HHAT: variants seen among roughly 807,000 people sequenced by gnomAD.
HHAT encodes protein-cysteine N-palmitoyltransferase HHAT.
A neutral mutation model predicts 70.8 loss-of-function variants in HHAT; 47 were observed. That is an observed-to-expected ratio of 0.66 (90% CI 0.53 to 0.85). HHAT has a LOEUF of 0.85. Among genes scored for constraint, HHAT ranks in the 40% least tolerant of loss-of-function variants. The pLI, the probability that HHAT is intolerant of heterozygous loss-of-function variation, is 0.00. For missense variants in HHAT, 609 were observed against 604.8 expected, an observed-to-expected ratio of 1.01 and a Z score of -0.07; for synonymous variants, 228 against 247.6, an observed-to-expected ratio of 0.92 and a Z score of 0.74.
intron 7 of HHAT, among the ~76,000 whole-genome samples, chr1:210,447,569 C>T (rs2093661013): frequency 6.6e-6 from 1 of 152,122 alleles, no homozygotes; most frequent in Admixed American, 6.5e-5. Context: ...CCTGACAATT[C>T]CCAGTCAAGC....
intron 7 of HHAT, among the ~76,000 whole-genome samples, chr1:210,458,703 G>A (rs973398287): frequency 6.6e-6 from 1 of 152,132 alleles, no homozygotes; most frequent in Admixed American, 6.6e-5. Context: ...GTCAGGGCAG[G>A]AAAAATAGAT....
intron 3 of HHAT, among the ~76,000 whole-genome samples, chr1:210,379,725 C>T (rs536186559): frequency 6.6e-6 from 1 of 152,268 alleles, no homozygotes; most frequent in South Asian, 2.1e-4. Flanking sequence ...GTTGTTTGTT[C>T]GTTTATTTAC....
At chr1:210,517,178 A>G (rs58968791) in intron 9 of HHAT, among the ~76,000 whole-genome samples, 9,697 of 152,306 alleles carry the variant, frequency 0.064, 386 homozygotes, top group South Asian at 0.13. Context: ...TCTCTGTTTC[A>G]TTATAGATAA....
At chr1:210,342,948 G>A (rs929267581) in intron 1 of HHAT, among the ~76,000 whole-genome samples, 3 of 152,162 alleles carry the variant, frequency 2.0e-5, no homozygotes, top group Non-Finnish European at 2.9e-5. Context: ...AAACAAAGTA[G>A]GGAAATAATT....
At chr1:210,425,182 A>C (rs2093025363) in intron 7 of HHAT, among the ~76,000 whole-genome samples, 1 of 152,104 alleles carries the variant, frequency 6.6e-6, no homozygotes, top group Non-Finnish European at 1.5e-5. Flanking sequence ...TCCTTTGCCC[A>C]TTACTTAATG....
chr1:210,540,444 TACACACAC>T (rs5780588), intron 9 of HHAT, among the ~76,000 whole-genome samples: 9,760 of 148,318 alleles, frequency 0.066, 635 homozygotes, highest in East Asian at 0.3. Context: ...TTTTCCCTCT[TACACACAC>T]ACACACACAC....
chr1:210,344,683 TG>T, intron 1 of HHAT, among the ~76,000 whole-genome samples: 1 of 152,314 alleles, frequency 6.6e-6, no homozygotes, highest in Non-Finnish European at 1.5e-5. Flanking sequence ...GGGGAGCCTT[TG>T]GGGCCACTGT....
intron 9 of HHAT, among the ~76,000 whole-genome samples, chr1:210,561,000 T>A (rs1337225151): frequency 6.6e-6 from 1 of 152,116 alleles, no homozygotes; most frequent in Non-Finnish European, 1.5e-5. Context: ...ATGAGGTTCT[T>A]TGATACATCT....
chr1:210,627,966 G>A (rs1471225111), intron 11 of HHAT, among the ~76,000 whole-genome samples: 2 of 152,148 alleles, frequency 1.3e-5, no homozygotes, highest in African/African-American at 4.8e-5. Context: ...GCTCTCAGAA[G>A]CACTTGTTAA....
At chr1:210,552,060 G>A (rs1013566010) in intron 9 of HHAT, among the ~76,000 whole-genome samples, 8 of 152,072 alleles carry the variant, frequency 5.3e-5, no homozygotes, top group Admixed American at 2.0e-4. Context: ...CAGTTGCTTC[G>A]TCTCCAGCAT....
intron 6 of HHAT, among the ~76,000 whole-genome samples, chr1:210,407,109 C>A (rs767811316): frequency 5.9e-5 from 9 of 152,042 alleles, no homozygotes; most frequent in Non-Finnish European, 8.8e-5. Flanking sequence ...CTGTGGGGAA[C>A]TTCCCTTCTG....
intron 9 of HHAT, among the ~76,000 whole-genome samples, chr1:210,537,071 T>C (rs2095380612): frequency 6.6e-6 from 1 of 150,638 alleles, no homozygotes; most frequent in African/African-American, 2.4e-5. Context: ...TTTGAAATAA[T>C]GTCTATTGCC....
chr1:210,659,005 T>C (rs948190444), intron 11 of HHAT, among the ~76,000 whole-genome samples: 2 of 151,958 alleles, frequency 1.3e-5, no homozygotes, highest in Admixed American at 6.6e-5. Flanking sequence ...AAAATCGACA[T>C]CCTAACATCA....
At chr1:210,439,079 C>G (rs916897614) in intron 7 of HHAT, among the ~76,000 whole-genome samples, 1 of 151,996 alleles carries the variant, frequency 6.6e-6, no homozygotes, top group Non-Finnish European at 1.5e-5. Flanking sequence ...ATTATTTAGT[C>G]TATTACTTAA....
intron 7 of HHAT, among the ~76,000 whole-genome samples, chr1:210,460,556 C>T (rs1217170775): frequency 6.6e-6 from 1 of 152,160 alleles, no homozygotes; most frequent in Non-Finnish European, 1.5e-5. Flanking sequence ...TCCTAATTTA[C>T]ATTCTTTTCT....
At chr1:210,477,703 C>T (rs188978694) in intron 8 of HHAT, among the ~76,000 whole-genome samples, 185 of 152,266 alleles carry the variant, frequency 1.2e-3, no homozygotes, top group Admixed American at 3.3e-3. Context: ...AAATATACAT[C>T]GTGGGTATCC....
intron 11 of HHAT, among the ~76,000 whole-genome samples, chr1:210,666,699 GT>G (rs1199913129): frequency 2.0e-5 from 3 of 152,090 alleles, no homozygotes; most frequent in Non-Finnish European, 4.4e-5. Flanking sequence ...GGCCAAGCTG[GT>G]TTTGAACTCC....
In HHAT at chr1:210,470,200, A is replaced by C. The variant is rs766505951; in HGVS notation, c.1007+5545A>C. Among the ~76,000 whole-genome samples the C allele has an allele frequency of 4.5e-4, 68 of 152,292 alleles. 1 individual carries two copies. The Middle Eastern group carries it at 0.01, about 23-fold the overall frequency. On this transcript the variant is annotated intron_variant, in intron 8 of 11. Transcript: ENST00000261458. ...AAAAGAAAGACCCGATAGGGTGCTA[A>C]GTGTTGAAGTAGATGGAAGGTAGAA...
chr1:210,383,927 C>T (rs1197882548), intron 3 of HHAT, among the ~76,000 whole-genome samples: 2 of 152,104 alleles, frequency 1.3e-5, no homozygotes, highest in Admixed American at 6.5e-5. Flanking sequence ...AGCACTGTTA[C>T]CCCTCTCATT....
Sources: gnomAD v4.1 joint callset for allele counts (sites outside exome capture counted in the v4.1 genomes callset) on GRCh38, gnomAD v4.1.1 for gene constraint, MANE v1.5 for transcripts, NCBI Gene and HGNC (gene_info 2026-07-23, HGNC 2026-07-21) for gene names.